Variants in MLLT3 observed in about 807,000 individuals in gnomAD.
The protein encoded by MLLT3 is protein AF-9.
In MLLT3, 4 loss-of-function variants were observed where a neutral mutation model predicts 53.2. The ratio of observed to expected loss-of-function variants is 0.08; its 90% CI spans 0.04 to 0.17. The LOEUF (loss-of-function observed/expected upper bound fraction) is 0.17, where lower values mean the gene tolerates loss of function less well. Ranked by LOEUF, MLLT3 falls within the 10% of genes least tolerant of loss-of-function variation. The probability of loss-of-function intolerance (pLI) is 1.00; values close to 1 mark genes in which losing one functional copy is unlikely to be tolerated. For missense variants in MLLT3, 569 were observed against 684.0 expected (o/e 0.83, Z 1.87); for synonymous variants, 283 against 230.6 (o/e 1.23, Z -2.06).
intron 10 of MLLT3, among the ~76,000 whole-genome samples, chr9:20,349,831 G>C (rs955616005): frequency 6.6e-6 from 1 of 152,082 alleles, no homozygotes; most frequent in African/African-American, 2.4e-5. Flanking sequence ...CAATATAAAG[G>C]GGATCTGATA....
chr9:20,404,703 A>G (rs1211640328), intron 5 of MLLT3, among the ~76,000 whole-genome samples: 2 of 151,994 alleles, frequency 1.3e-5, no homozygotes, highest in Non-Finnish European at 2.9e-5. Context: ...ACATGATCTC[A>G]CTATGTTGCC....
intron 7 of MLLT3, chr9:20,362,705 G>GTT (rs1563936918): frequency 1.1e-5 from 1 of 92,756 alleles, no homozygotes; most frequent in African/African-American, 1.1e-4. Flanking sequence ...GGTTAAGACC[G>GTT]CTTTTTTTTT....
intron 2 of MLLT3, among the ~76,000 whole-genome samples, chr9:20,550,682 A>G (rs1254785730): frequency 6.6e-6 from 1 of 152,170 alleles, no homozygotes; most frequent in Non-Finnish European, 1.5e-5. Context: ...TACAGGCATG[A>G]GCCACTGTGC....
chr9:20,361,931 C>A (rs1244728335), intron 7 of MLLT3, among the ~76,000 whole-genome samples: 2 of 152,040 alleles, frequency 1.3e-5, no homozygotes, highest in Non-Finnish European at 2.9e-5. Flanking sequence ...AGACAAGATA[C>A]AAGATAGGAA....
chr9:20,581,733 A>G (rs933670578), intron 2 of MLLT3, among the ~76,000 whole-genome samples: 1 of 152,198 alleles, frequency 6.6e-6, no homozygotes, highest in African/African-American at 2.4e-5. Flanking sequence ...TCTATCAGGT[A>G]CAAGGAAAAC....
rs182143190 is a variant in MLLT3 at position 20,427,151 on chromosome 9, A to T, written c.421-12726T>A. On this transcript the variant is annotated intron_variant, in intron 4 of 10. Transcript: ENST00000380338. ...CATGATGTGAGGTAAAAGGACCTTA[A>T]AGACTTACTATAGGGAAATCATCAA... is the stretch of plus-strand genomic sequence containing the variant. Among the ~76,000 whole-genome samples, 107 of 152,278 alleles carry T rather than the reference A, an allele frequency of 7.0e-4. No homozygotes were observed. The East Asian group carries it at 0.019, about 27-fold the overall frequency.
At position 20,551,833 on chromosome 9, in the gene MLLT3, G is replaced by A. The variant is rs543134853; in HGVS notation, c.193+68821C>T. ...TTGAACATTAACATTACACCCTATA[G>A]ACATGAACATATTACCTACGATTTA... On this transcript the variant is annotated intron_variant, in intron 2 of 10. Transcript: ENST00000380338. Among the ~76,000 whole-genome samples the A allele has an allele frequency of 1.6e-4, 24 of 152,176 alleles. No homozygotes were observed. The South Asian group carries it at 3.9e-3, about 25-fold the overall frequency.
chr9:20,401,591 C>A (rs921172249), intron 5 of MLLT3, among the ~76,000 whole-genome samples: 1 of 152,150 alleles, frequency 6.6e-6, no homozygotes, highest in African/African-American at 2.4e-5. Context: ...AGCTAGAGCA[C>A]CGGTCATCAC....
Position 20,537,644 on chromosome 9 carries a change from T to C in MLLT3, c.194-80858A>G, listed in dbSNP as rs886277636. On this transcript the variant is annotated intron_variant, in intron 2 of 10. Transcript: ENST00000380338. ...TTTTCACATGGTTATTTTCAAATAT[T>C]TGGACTAATTCAGATATAAAGCAAT... Among the ~76,000 whole-genome samples, 3 of 152,190 alleles carry C rather than the reference T, an allele frequency of 2.0e-5. No individual in the cohort carries two copies. In the East Asian group the frequency reaches 5.8e-4, roughly 29 times the overall value.
At chr9:20,580,281 T>C (rs959477886) in intron 2 of MLLT3, among the ~76,000 whole-genome samples, 2 of 152,122 alleles carry the variant, frequency 1.3e-5, no homozygotes. Flanking sequence ...TTATGGAAAT[T>C]AATAATAATT....
intron 2 of MLLT3, among the ~76,000 whole-genome samples, chr9:20,475,266 T>G (rs1195332991): frequency 6.6e-6 from 1 of 152,058 alleles, no homozygotes; most frequent in Non-Finnish European, 1.5e-5. Context: ...TGCAGTAAAT[T>G]TCTACAATGT....
At chr9:20,422,468 C>T (rs987471923) in intron 4 of MLLT3, among the ~76,000 whole-genome samples, 2 of 152,080 alleles carry the variant, frequency 1.3e-5, no homozygotes, top group Non-Finnish European at 2.9e-5. Context: ...TGTAAAATAA[C>T]CAATATAGAT....
chr9:20,397,810 T>C (rs927442855), intron 5 of MLLT3, among the ~76,000 whole-genome samples: 4 of 152,150 alleles, frequency 2.6e-5, no homozygotes, highest in African/African-American at 9.7e-5. Context: ...TATTTGGGTA[T>C]AATTTTTGTC....
In MLLT3 at chr9:20,622,454, C is replaced by T; in HGVS notation, c.-198G>A. On this transcript the variant is annotated 5_prime_UTR_variant, in exon 1 of 11. Transcript: ENST00000380338. ...CGCTTATTAAACTCAGCCCCAAAAG[C>T]AAAAGCAGCAGCAGCAGCAGCAGCT... 1.9e-6 allele frequency: 1 copy of T among 537,864 alleles called. No homozygotes were observed. The highest frequency in any genetic ancestry group is 3.3e-6 in the Non-Finnish European group (1 of 302,966). The allele number at this position is 537,864 out of a possible 1,614,324, so 33.3% of individuals were successfully genotyped here. A position where few individuals can be genotyped will look rare whatever the true frequency, so the allele number is the denominator to read the frequency against.
intron 2 of MLLT3, among the ~76,000 whole-genome samples, chr9:20,458,273 T>C (rs537126966): frequency 4.3e-4 from 65 of 152,342 alleles, no homozygotes; most frequent in Non-Finnish European, 7.5e-4. Flanking sequence ...TCTTGTCTGC[T>C]AATTTCCTTT....
intron 2 of MLLT3, among the ~76,000 whole-genome samples, chr9:20,596,865 C>T (rs1316787010): frequency 6.6e-6 from 1 of 152,026 alleles, no homozygotes; most frequent in Admixed American, 6.5e-5. Flanking sequence ...CTGTATGTAA[C>T]CTGAAGCAAT....
At chr9:20,351,896 C>T (rs1056139617) in intron 10 of MLLT3, among the ~76,000 whole-genome samples, 4 of 152,206 alleles carry the variant, frequency 2.6e-5, no homozygotes, top group African/African-American at 2.4e-5. Context: ...CAAGCCTCAG[C>T]TGCATTACAA....
At chr9:20,553,878 C>A (rs747169597) in intron 2 of MLLT3, among the ~76,000 whole-genome samples, 22 of 151,906 alleles carry the variant, frequency 1.4e-4, no homozygotes, top group Non-Finnish European at 2.5e-4. Context: ...TCACAACCCT[C>A]CTGGCAAAAG....
At chr9:20,436,378 G>A (rs1033470045) in intron 4 of MLLT3, among the ~76,000 whole-genome samples, 1 of 152,116 alleles carries the variant, frequency 6.6e-6, no homozygotes, top group Non-Finnish European at 1.5e-5. Flanking sequence ...CACATAAATT[G>A]TATTTTCAGA....
Sources: gnomAD v4.1 joint callset for allele counts (sites outside exome capture counted in the v4.1 genomes callset) on GRCh38, gnomAD v4.1.1 for gene constraint, MANE v1.5 for transcripts, NCBI Gene and HGNC (gene_info 2026-07-23, HGNC 2026-07-21) for gene names.